Variants in IL17RD observed in about 807,000 individuals in gnomAD.
IL17RD encodes the protein interleukin 17 receptor D.
In IL17RD, 52 loss-of-function variants were observed where a neutral mutation model predicts 80.5. The ratio of observed to expected loss-of-function variants is 0.65; its 90% CI spans 0.52 to 0.81. IL17RD has a LOEUF of 0.81. IL17RD is among the 40% of genes least tolerant of loss of function. IL17RD has a pLI of 0.00. For synonymous variants in IL17RD, 416 were observed against 391.8 expected (o/e 1.06, Z -0.73); for missense variants, 1,024 against 955.1 (o/e 1.07, Z -0.95).
At chr3:57,151,041 G>C (rs1160899992) in intron 1 of IL17RD, among the ~76,000 whole-genome samples, 2 of 152,184 alleles carry the variant, frequency 1.3e-5, no homozygotes, top group African/African-American at 2.4e-5. Context: ...AAGCCAAAGA[G>C]GGAAGATTGT....
intron 9 of IL17RD, 88 bp from the exon 10 acceptor site, chr3:57,102,677 G>C (rs1301358227): frequency 1.0e-5 from 6 of 581,378 alleles, no homozygotes; most frequent in Non-Finnish European, 1.8e-5. Context: ...AACATAAGCC[G>C]CATAACAGGT....
rs1706567336 is a variant in IL17RD at position 57,092,060 on chromosome 3, T to C, written c.*4333A>G. On this transcript the variant is annotated 3_prime_UTR_variant, in exon 13 of 13. Coordinates refer to ENST00000296318, the MANE Select transcript of IL17RD (RefSeq NM_017563.5). ...GATATCTCAGTATCAGGAAAAGCTTTTCTCTGTATACTGTTTCACACCTCC... is the reference window on the plus strand; with the variant it reads ...GATATCTCAGTATCAGGAAAAGCTTCTCTCTGTATACTGTTTCACACCTCC... 1 of 152,644 alleles carries C rather than the reference T, an allele frequency of 6.6e-6. No homozygotes were observed. Among genetic ancestry groups the C allele is most frequent in the Non-Finnish European group, 1.5e-5 (1 of 68,028 alleles). 9.5% of individuals were successfully genotyped at this position (152,644 alleles called of 1,614,324 possible).
rs1432257763 is a variant in IL17RD, at chr3:57,110,268, C to T, written c.354G>A (p.Leu118=). 3 of 1,609,168 alleles carry T rather than the reference C, an allele frequency of 1.9e-6. No homozygotes were observed. The Admixed American group carries it at 5.0e-5, about 27-fold the overall frequency. The part of the protein sequence containing the change: ...LKGFRVILEE[L]KSEGRQCQQL... ...GTTGGCACTGTCTTCCCTCCGACTT[C>T]AGCTCCTCCAGTATTACCCGAAATC... The change falls in exon 4 of 13, where the codon CTG becomes CTA. Residue 118 remains leucine, a synonymous_variant. Coordinates refer to ENST00000296318, the MANE Select transcript of IL17RD (RefSeq NM_017563.5).
chr3:57,165,266 G>A lies in IL17RD; in HGVS notation c.21C>T (p.Leu7=). 4.6e-6 allele frequency: 7 copies of A among 1,513,214 alleles called. No homozygotes were observed. Among genetic ancestry groups the A allele is most frequent in the South Asian group, 1.2e-5 (1 of 80,454 alleles). 93.7% of individuals were successfully genotyped at this position (1,513,214 alleles called of 1,614,324 possible). The change falls in exon 1 of 13, where the codon CTC becomes CTT. Residue 7 remains leucine (L), a synonymous_variant. Transcript: ENST00000296318. The stretch of plus-strand genomic sequence containing the variant: ...CGTTGACCGTAAAGAAGACGGAGCA[G>A]AGCTGCAGCCACGGGGCCATGGCCG... MAPWLQ[L]CSVFFTVNAC...
chr3:57,114,848 A>G, intron 2 of IL17RD, 31 bp from the exon 3 acceptor site: 7 of 1,498,890 alleles, frequency 4.7e-6, no homozygotes, highest in Non-Finnish European at 6.3e-6. Context: ...GAACAGTTAA[A>G]TTTAAAATTT....
At position 57,090,205 on chromosome 3, in the gene IL17RD, A is replaced by G. The variant is rs546109730; in HGVS notation, c.*6188T>C. ...TCAAAGATGAAACAAAGGCAACGCC[A>G]TCAATAACCACCATATTCCACAGGC... On this transcript the variant is annotated 3_prime_UTR_variant, in exon 13 of 13. Transcript: ENST00000296318. The G allele has an allele frequency of 1.3e-5, 2 of 152,806 alleles. No individual in the cohort carries two copies. The highest frequency in any genetic ancestry group is 3.9e-4 in the East Asian group (2 of 5,184). The allele number at this position is 152,806 out of a possible 1,614,324, so 9.5% of individuals were successfully genotyped here.
At chr3:57,127,189 TATATATATAAATATATATAAAA>T (rs1182269879) in intron 1 of IL17RD, among the ~76,000 whole-genome samples, 44 of 112,592 alleles carry the variant, frequency 3.9e-4, no homozygotes, top group East Asian at 1.4e-3. Flanking sequence ...CTCATATATA[TATATATATAAATATATATAAAA>T]ATATATATAA....
chr3:57,102,359 A>G (rs916336873), intron 10 of IL17RD, 120 bp downstream of exon 10: 3 of 448,290 alleles, frequency 6.7e-6, no homozygotes, highest in African/African-American at 6.0e-5. Context: ...GAATAGTAGG[A>G]GCTATGAGGC....
At chr3:57,127,275 A>AATATATATAAATATATATAAAT (rs1559476880) in intron 1 of IL17RD, among the ~76,000 whole-genome samples, 8 of 71,932 alleles carry the variant, frequency 1.1e-4, no homozygotes, top group Middle Eastern at 6.9e-3. Context: ...TATATATAAA[A>AATATATATAAATATATATAAAT]ATATATATAA....
At chr3:57,146,969 C>T (rs1005119262) in intron 1 of IL17RD, among the ~76,000 whole-genome samples, 1 of 149,676 alleles carries the variant, frequency 6.7e-6, no homozygotes, top group African/African-American at 2.5e-5. Context: ...TTACAGGTGC[C>T]CAACAACCAT....
At chr3:57,137,578 AT>A (rs1281206781) in intron 1 of IL17RD, among the ~76,000 whole-genome samples, 1 of 152,238 alleles carries the variant, frequency 6.6e-6, no homozygotes, top group Non-Finnish European at 1.5e-5. Context: ...AGTGACACTT[AT>A]AAAACAGAAG....
chr3:57,158,223 CT>C (rs2060281240), intron 1 of IL17RD, among the ~76,000 whole-genome samples: 1 of 152,086 alleles, frequency 6.6e-6, no homozygotes, highest in Non-Finnish European at 1.5e-5. Context: ...AATGAAAAGC[CT>C]CATGATTAAC....
intron 5 of IL17RD, among the ~76,000 whole-genome samples, chr3:57,107,240 A>G (rs1706985202): frequency 1.3e-5 from 2 of 152,126 alleles, no homozygotes; most frequent in African/African-American, 4.8e-5. Context: ...TTAGCTGGAC[A>G]TGGTGGCGGG....
chr3:57,150,874 G>A (rs1024368812), intron 1 of IL17RD, among the ~76,000 whole-genome samples: 1 of 152,146 alleles, frequency 6.6e-6, no homozygotes, highest in Non-Finnish European at 1.5e-5. Context: ...ATTACGAAGG[G>A]GGCCAAAACT....
chr3:57,165,359 G>T (rs2060341633), upstream of IL17RD: 7 of 1,185,220 alleles, frequency 5.9e-6, no homozygotes, highest in African/African-American at 9.7e-5. Context: ...CGAGTGGGCG[G>T]TGGCCGCGGC....
chr3:57,103,667 A>G (rs928851088), intron 8 of IL17RD, among the ~76,000 whole-genome samples: 1 of 152,210 alleles, frequency 6.6e-6, no homozygotes, highest in Non-Finnish European at 1.5e-5. Flanking sequence ...TGTAGTACCA[A>G]TTTGATACAG....
At chr3:57,138,826 C>T (rs1707777031) in intron 1 of IL17RD, among the ~76,000 whole-genome samples, 3 of 151,342 alleles carry the variant, frequency 2.0e-5, no homozygotes, top group Admixed American at 1.3e-4. Context: ...GTAATCCCAG[C>T]TACTCAGGAG....
At chr3:57,117,551 A>G (rs766377613) in intron 2 of IL17RD, among the ~76,000 whole-genome samples, 2 of 152,250 alleles carry the variant, frequency 1.3e-5, no homozygotes, top group Non-Finnish European at 2.9e-5. Flanking sequence ...CTTAATGGCA[A>G]GACATTTTCT....
chr3:57,165,192 CGG>C lies in IL17RD; in HGVS notation c.93_94del (p.Arg34GlyfsTer27). The C allele has an allele frequency of 6.5e-7, 1 of 1,527,362 alleles. No individual in the cohort carries two copies. Among genetic ancestry groups the C allele is most frequent in the Non-Finnish European group, 8.8e-7 (1 of 1,138,532 alleles). 94.6% of individuals were successfully genotyped at this position (1,527,362 alleles called of 1,614,324 possible). A position where few individuals can be genotyped will look rare whatever the true frequency, so the allele number is the denominator to read the frequency against. On this transcript the variant is annotated frameshift_variant, in exon 1 of 13. Transcript: ENST00000296318. LOFTEE classifies it high-confidence loss of function. ...GCCACAGGTGTCGGCGCCCCGCGCG[CGG>C]CCGGACCCGCCAGCGGCCACAGCCA...
Sources: gnomAD v4.1 joint callset for allele counts (sites outside exome capture counted in the v4.1 genomes callset) on GRCh38, gnomAD v4.1.1 for gene constraint, MANE v1.5 for transcripts, NCBI Gene and HGNC (gene_info 2026-07-23, HGNC 2026-07-21) for gene names.